Variants in XKR4 observed in about 807,000 individuals in gnomAD.
The protein encoded by XKR4 is XK-related protein 4.
A neutral mutation model predicts 53.9 loss-of-function variants in XKR4; 12 were observed. That is an observed-to-expected ratio of 0.22 (90% confidence interval 0.14 to 0.36). The LOEUF (loss-of-function observed/expected upper bound fraction) is 0.36, where lower values mean the gene tolerates loss of function less well. XKR4 is among the 10% of genes least tolerant of loss of function. The pLI is 1.00. For synonymous variants in XKR4, 354 were observed against 362.4 expected (o/e 0.98, Z 0.26); for missense variants, 799 against 859.5 (o/e 0.93, Z 0.88).
intron 2 of XKR4, chr8:55,454,515 G>T: frequency 1.5e-6 from 2 of 1,310,906 alleles, no homozygotes; most frequent in Non-Finnish European, 2.1e-6. Flanking sequence ...GTGATGCCCA[G>T]CTGGCGGAAG....
At chr8:55,443,440 G>A (rs1194512550) in intron 2 of XKR4, among the ~76,000 whole-genome samples, 1 of 146,012 alleles carries the variant, frequency 6.8e-6, no homozygotes, top group South Asian at 2.2e-4. Context: ...AATGATTGAG[G>A]TTGTTTAAAA....
intron 2 of XKR4, among the ~76,000 whole-genome samples, chr8:55,482,403 G>A (rs1331423627): frequency 3.3e-5 from 5 of 152,064 alleles, no homozygotes; most frequent in Admixed American, 1.3e-4. Context: ...TTATGGGGTC[G>A]GGGCATGGGG....
chr8:55,430,822 G>A (rs1805090131), intron 2 of XKR4, among the ~76,000 whole-genome samples: 1 of 152,152 alleles, frequency 6.6e-6, no homozygotes, highest in Non-Finnish European at 1.5e-5. Context: ...TCTTCATTCT[G>A]TATCAGTCCT....
chr8:55,393,639 T>C (rs552027511), intron 2 of XKR4, among the ~76,000 whole-genome samples: 51 of 152,318 alleles, frequency 3.3e-4, no homozygotes, highest in African/African-American at 1.2e-3. Flanking sequence ...CAATTTGGCC[T>C]GCTCAACCAT....
At chr8:55,156,390 C>T (rs745626461) in intron 1 of XKR4, among the ~76,000 whole-genome samples, 24 of 134,672 alleles carry the variant, frequency 1.8e-4, no homozygotes, top group Admixed American at 4.5e-4. Flanking sequence ...AGACGCTGCG[C>T]GCATAGTCAC....
intron 2 of XKR4, among the ~76,000 whole-genome samples, chr8:55,490,737 T>C (rs564705748): frequency 2.7e-4 from 41 of 152,342 alleles, no homozygotes; most frequent in African/African-American, 9.6e-4. Flanking sequence ...CTGACTACTT[T>C]TAAGATTTTT....
chr8:55,255,333 C>A (rs1689389827), intron 1 of XKR4, among the ~76,000 whole-genome samples: 1 of 152,122 alleles, frequency 6.6e-6, no homozygotes, highest in Non-Finnish European at 1.5e-5. Flanking sequence ...CAACAGTATA[C>A]AATGAGGAGT....
chr8:55,176,222 AG>A (rs2129359139), intron 1 of XKR4, among the ~76,000 whole-genome samples: 1 of 152,308 alleles, frequency 6.6e-6, no homozygotes, highest in East Asian at 1.9e-4. Flanking sequence ...TCATTTTTCA[AG>A]GTGTTGAGAA....
At chr8:55,190,116 A>G (rs745383328) in intron 1 of XKR4, among the ~76,000 whole-genome samples, 19 of 152,160 alleles carry the variant, frequency 1.2e-4, no homozygotes, top group Non-Finnish European at 2.1e-4. Context: ...ATGACTTTTT[A>G]CTGGAGCATG....
intron 1 of XKR4, among the ~76,000 whole-genome samples, chr8:55,235,624 A>G (rs970256993): frequency 1.1e-4 from 17 of 152,126 alleles, no homozygotes; most frequent in Non-Finnish European, 2.2e-4. Flanking sequence ...TTTCCCCACC[A>G]CACCAACTGT....
At chr8:55,400,379 C>T (rs2129389825) in intron 2 of XKR4, among the ~76,000 whole-genome samples, 1 of 152,320 alleles carries the variant, frequency 6.6e-6, no homozygotes, top group Non-Finnish European at 1.5e-5. Flanking sequence ...ATACCCATAC[C>T]TCCCAGGTTC....
At chr8:55,453,801 G>T (rs1805500638) in intron 2 of XKR4, 1 of 447,632 alleles carries the variant, frequency 2.2e-6, no homozygotes, top group South Asian at 1.9e-5. Context: ...AGGACTCATT[G>T]GGGGTGGTTC....
intron 1 of XKR4, among the ~76,000 whole-genome samples, chr8:55,207,819 T>G (rs1817672021): frequency 6.6e-6 from 1 of 152,062 alleles, no homozygotes; most frequent in African/African-American, 2.4e-5. Context: ...TGATTAAATC[T>G]AAGAAACCAG....
intron 1 of XKR4, among the ~76,000 whole-genome samples, chr8:55,112,861 G>C (rs948522974): frequency 6.6e-6 from 1 of 151,928 alleles, no homozygotes; most frequent in African/African-American, 2.4e-5. Context: ...AATTCCAGAA[G>C]ACTGTCCCAA....
chr8:55,400,843 C>A (rs1321454707), intron 2 of XKR4, among the ~76,000 whole-genome samples: 1 of 152,192 alleles, frequency 6.6e-6, no homozygotes, highest in Non-Finnish European at 1.5e-5. Flanking sequence ...CTGTCTGCTG[C>A]CCTGTTTCTT....
At chr8:55,244,663 C>T (rs1818258099) in intron 1 of XKR4, among the ~76,000 whole-genome samples, 1 of 152,154 alleles carries the variant, frequency 6.6e-6, no homozygotes, top group African/African-American at 2.4e-5. Context: ...AATGGCAGAA[C>T]TAATGTACAT....
chr8:55,324,770 A>G (rs1258053138), intron 1 of XKR4, among the ~76,000 whole-genome samples: 1 of 152,210 alleles, frequency 6.6e-6, no homozygotes, highest in African/African-American at 2.4e-5. Flanking sequence ...TAACTTTTCC[A>G]AGATCACATA....
At chr8:55,130,138 A>G (rs932064535) in intron 1 of XKR4, among the ~76,000 whole-genome samples, 1 of 152,248 alleles carries the variant, frequency 6.6e-6, no homozygotes, top group African/African-American at 2.4e-5. Flanking sequence ...ATCAGGTACT[A>G]TTATTGGCAT....
chr8:55,458,418 C>T (rs570375156), intron 2 of XKR4, among the ~76,000 whole-genome samples: 61 of 152,126 alleles, frequency 4.0e-4, no homozygotes, highest in Non-Finnish European at 7.9e-4. Context: ...TTACCCATGA[C>T]CCCTGGAGTT....
Sources: allele counts gnomAD v4.1 joint callset (sites outside exome capture counted in the v4.1 genomes callset), GRCh38; gene constraint gnomAD v4.1.1; transcripts MANE v1.5; gene names NCBI Gene and HGNC (gene_info 2026-07-23, HGNC 2026-07-21).